EDEM1: variants seen among roughly 807,000 people sequenced by gnomAD.
EDEM1 encodes the protein ER degradation-enhancing alpha-mannosidase-like protein 1.
In EDEM1, 67 loss-of-function variants were observed where a neutral mutation model predicts 74.4. That is an observed-to-expected ratio of 0.90 (90% CI 0.74 to 1.10). The LOEUF (loss-of-function observed/expected upper bound fraction) is 1.10, where lower values mean the gene tolerates loss of function less well. Among genes scored for constraint, EDEM1 ranks in the 50% least tolerant of loss-of-function variants. The pLI is 0.00. For missense variants in EDEM1, 926 were observed against 851.6 expected (o/e 1.09, Z -1.09); for synonymous variants, 382 against 335.9 (o/e 1.14, Z -1.50).
Position 5,215,947 on chromosome 3 carries a change from C to T in EDEM1, c.*29C>T. The T allele has an allele frequency of 6.3e-7, 1 of 1,593,848 alleles. No homozygotes were observed. The highest frequency in any genetic ancestry group is 1.1e-5 in the South Asian group (1 of 89,098). ...GCTCTCTGTGAGGCCTCATCTTGAACCAGACCTTAACGACCAAACCCAGAC... is the reference window on the plus strand; with the variant it reads ...GCTCTCTGTGAGGCCTCATCTTGAATCAGACCTTAACGACCAAACCCAGAC... On this transcript the variant is annotated 3_prime_UTR_variant, in exon 12 of 12. Transcript: ENST00000256497.
At chr3:5,193,481 C>T (rs2054925527) in intron 1 of EDEM1, among the ~76,000 whole-genome samples, 1 of 152,054 alleles carries the variant, frequency 6.6e-6, no homozygotes, top group African/African-American at 2.4e-5. Context: ...ATAGAAAAAA[C>T]AGGTACAATT....
intron 4 of EDEM1, 21 bp downstream of exon 4, chr3:5,201,945 C>T (rs1264715283): frequency 1.3e-6 from 2 of 1,591,026 alleles, no homozygotes; most frequent in Non-Finnish European, 1.7e-6. Flanking sequence ...TGGTTTGACC[C>T]TTTGTGTTTG....
intron 1 of EDEM1, among the ~76,000 whole-genome samples, chr3:5,188,968 G>C (rs866128836): frequency 3.9e-5 from 6 of 152,182 alleles, no homozygotes; most frequent in Non-Finnish European, 8.8e-5. Context: ...CTGGATGCCA[G>C]ATTGACTGTC....
intron 9 of EDEM1, among the ~76,000 whole-genome samples, 168 bp from the exon 10 acceptor site, chr3:5,210,952 T>G (rs1200949638): frequency 6.6e-6 from 1 of 152,220 alleles, no homozygotes; most frequent in Non-Finnish European, 1.5e-5. Flanking sequence ...TAAGTAAATT[T>G]GCAAACAACC....
intron 6 of EDEM1, among the ~76,000 whole-genome samples, chr3:5,206,425 C>G (rs2055097641): frequency 6.6e-6 from 1 of 152,072 alleles, no homozygotes; most frequent in Admixed American, 6.5e-5. Flanking sequence ...TCAGGCTGGT[C>G]TCAAACTCCT....
intron 1 of EDEM1, among the ~76,000 whole-genome samples, chr3:5,192,698 T>C (rs1575583478): frequency 6.6e-6 from 1 of 152,342 alleles, no homozygotes; most frequent in Middle Eastern, 3.4e-3. Flanking sequence ...AATGGAGTCA[T>C]AATAATTTCA....
At chr3:5,194,459 CA>C (rs1015567941) in intron 1 of EDEM1, among the ~76,000 whole-genome samples, 24 of 152,288 alleles carry the variant, frequency 1.6e-4, no homozygotes, top group African/African-American at 5.3e-4. Context: ...AGACATACCA[CA>C]GTGCCTGAGG....
intron 1 of EDEM1, 199 bp from the exon 2 acceptor site, chr3:5,195,010 T>G (rs1371013605): frequency 1.0e-5 from 4 of 383,660 alleles, no homozygotes; most frequent in Non-Finnish European, 1.9e-5. Flanking sequence ...TCCACAGTTC[T>G]GTGACTTGAT....
intron 8 of EDEM1, among the ~76,000 whole-genome samples, chr3:5,209,684 AG>A (rs2055144350): frequency 6.6e-6 from 1 of 152,174 alleles, no homozygotes; most frequent in Non-Finnish European, 1.5e-5. Flanking sequence ...CTGATTTCTC[AG>A]GGTGATTAGA....
At position 5,213,472 on chromosome 3, in the gene EDEM1, G is replaced by C; in HGVS notation, c.1834G>C (p.Val612Leu). ...EGGQDQGGKSVHRPKPHELKV... is the reference protein window; with the variant it reads ...EGGQDQGGKSLHRPKPHELKV... ...AGGGCAGGACCAAGGGGGAAAGTCTGTGCACAGGCCGAAACCTCATGAGTT... is the reference window on the plus strand; with the variant it reads ...AGGGCAGGACCAAGGGGGAAAGTCTCTGCACAGGCCGAAACCTCATGAGTT... The change falls in exon 11 of 12, where the codon GTG (valine) becomes CTG (leucine). Residue 612 changes from valine (V) to leucine (L), a missense_variant. Val to Leu is a conservative substitution (Grantham distance 32). Coordinates refer to ENST00000256497, the MANE Select transcript of EDEM1 (RefSeq NM_014674.3). 1 of 1,614,030 alleles carries C rather than the reference G, an allele frequency of 6.2e-7. No homozygotes were observed. The highest frequency in any genetic ancestry group is 1.3e-5 in the African/African-American group (1 of 75,046).
chr3:5,217,494 G>T lies in EDEM1; in HGVS notation c.*1576G>T, dbSNP rs1387537328. On this transcript the variant is annotated 3_prime_UTR_variant, in exon 12 of 12. Transcript: ENST00000256497. ...TGTCTAAGTTTATGTTGCATTTTTA[G>T]TCAAAAGGGAGAAATCTTATTCCTT... is the stretch of plus-strand genomic sequence containing the variant. 2.6e-5 allele frequency: 4 copies of T among 152,584 alleles called. No individual in the cohort carries two copies. Among genetic ancestry groups the T allele is most frequent in the African/African-American group, 9.7e-5 (4 of 41,430 alleles). 9.5% of individuals were successfully genotyped at this position (152,584 alleles called of 1,614,324 possible).
At chr3:5,207,469 A>G (rs11710217) in intron 7 of EDEM1, among the ~76,000 whole-genome samples, 196 bp downstream of exon 7, 14 of 152,248 alleles carry the variant, frequency 9.2e-5, no homozygotes, top group African/African-American at 1.9e-4. Flanking sequence ...CACAAGTGCA[A>G]AACCGTGCTT....
rs918802766 is a variant in EDEM1, at chr3:5,188,495, G to T, written c.509+181G>T. ...TGAAGACCCCCGAGCTTGAGGGTGC[G>T]GGGTGGGCCGGTGGCCTTCCTCTCC... On this transcript the variant is annotated intron_variant, in intron 1 of 11. Transcript: ENST00000256497. 28 of 609,186 alleles carry T rather than the reference G, an allele frequency of 4.6e-5. No individual in the cohort carries two copies. In the African/African-American group the frequency reaches 4.6e-4, roughly 10 times the overall value. The allele number at this position is 609,186 out of a possible 1,614,324, so 37.7% of individuals were successfully genotyped here. A position where few individuals can be genotyped will look rare whatever the true frequency, so the allele number is the denominator to read the frequency against.
chr3:5,210,736 TTAAA>T (rs1043698461), intron 9 of EDEM1, among the ~76,000 whole-genome samples: 4 of 152,056 alleles, frequency 2.6e-5, no homozygotes, highest in South Asian at 4.1e-4. Flanking sequence ...AAGTACTATC[TTAAA>T]TAATAAGTCA....
Position 5,218,740 on chromosome 3 carries a change from C to T in EDEM1, c.*2822C>T, listed in dbSNP as rs562342457. 5 of 152,290 alleles carry T rather than the reference C, an allele frequency of 3.3e-5. No individual in the cohort carries two copies. The highest frequency in any genetic ancestry group is 2.6e-4 in the Admixed American group (4 of 15,292). 9.4% of individuals were successfully genotyped at this position (152,290 alleles called of 1,614,324 possible). On this transcript the variant is annotated 3_prime_UTR_variant, in exon 12 of 12. Transcript: ENST00000256497. ...GCTTAGCTACTTTAGTTGATGTGACCGAGGAATCCCTTCTAGAATCATAGG... is the reference window on the plus strand; with the variant it reads ...GCTTAGCTACTTTAGTTGATGTGACTGAGGAATCCCTTCTAGAATCATAGG...
At position 5,188,035 on chromosome 3, in the gene EDEM1, C is replaced by G; in HGVS notation, c.230C>G (p.Thr77Ser). 6.9e-7 allele frequency: 1 copy of G among 1,450,692 alleles called. No homozygotes were observed. The highest frequency in any genetic ancestry group is 1.4e-5 in the South Asian group (1 of 69,632). The allele number at this position is 1,450,692 out of a possible 1,614,324, so 89.9% of individuals were successfully genotyped here. ...SGPSWLQPPG[T>S]GAAQSPRKAP... ...CCGTCGTGGCTGCAGCCGCCGGGGACCGGGGCAGCGCAGAGCCCGCGCAAG... is the reference window on the plus strand; with the variant it reads ...CCGTCGTGGCTGCAGCCGCCGGGGAGCGGGGCAGCGCAGAGCCCGCGCAAG... The change falls in exon 1 of 12, where the codon ACC becomes AGC. Residue 77 changes from threonine to serine, a missense_variant. Thr to Ser is a moderately conservative substitution (Grantham distance 58). Transcript: ENST00000256497.
At chr3:5,204,403 T>C (rs2055070804) in intron 5 of EDEM1, among the ~76,000 whole-genome samples, 1 of 151,856 alleles carries the variant, frequency 6.6e-6, no homozygotes, top group South Asian at 2.1e-4. Context: ...AGACAGGGTC[T>C]CCCTCCATCA....
Position 5,216,002 on chromosome 3 carries a change from G to A in EDEM1, c.*84G>A, listed in dbSNP as rs563342055. On this transcript the variant is annotated 3_prime_UTR_variant, in exon 12 of 12. Transcript: ENST00000256497. ...CCAAAGTCCAGTCTGAAATGAAAGG[G>A]GACAGAAGTCTTGCTGTCCATGGTG... 3.4e-6 allele frequency: 4 copies of A among 1,174,130 alleles called. No homozygotes were observed. Among genetic ancestry groups the A allele is most frequent in the South Asian group, 2.7e-5 (2 of 74,314 alleles). 72.7% of individuals were successfully genotyped at this position (1,174,130 alleles called of 1,614,324 possible). A position where few individuals can be genotyped will look rare whatever the true frequency, so the allele number is the denominator to read the frequency against.
chr3:5,215,838 G>A lies in EDEM1; in HGVS notation c.1894G>A (p.Val632Ile), dbSNP rs1316981239. 5 of 1,612,994 alleles carry A rather than the reference G, an allele frequency of 3.1e-6. No individual in the cohort carries two copies. Among genetic ancestry groups the A allele is most frequent in the East Asian group, 4.5e-5 (2 of 44,814 alleles). ...VINSSSNCNRVPDERRYSLPL... is the reference protein window; with the variant it reads ...VINSSSNCNRIPDERRYSLPL... The stretch of plus-strand genomic sequence containing the variant: ...GTTTTTGTCTTTCTAGTGCAATCGT[G>A]TACCTGATGAGAGGAGGTACTCCCT... Residue 632 changes from valine (V) to isoleucine (I), a missense_variant, in exon 12 of 12, where the codon GTA becomes ATA. By Grantham distance (29) the Val-to-Ile change is conservative (BLOSUM62 3). Coordinates refer to ENST00000256497, the MANE Select transcript of EDEM1 (RefSeq NM_014674.3).
Sources: gnomAD v4.1 joint callset for allele counts (sites outside exome capture counted in the v4.1 genomes callset) on GRCh38, gnomAD v4.1.1 for gene constraint, MANE v1.5 for transcripts, NCBI Gene and HGNC (gene_info 2026-07-23, HGNC 2026-07-21) for gene names.